The following RIN2 variants were observed in gnomAD, a reference collection of about 807,000 sequenced individuals.
RIN2 encodes Ras and Rab interactor 2.
RIN2 carries 36 observed loss-of-function variants against 78.0 expected under a neutral mutation model. The observed-to-expected ratio is 0.46, with a 90% CI of 0.35 to 0.61. The LOEUF (loss-of-function observed/expected upper bound fraction) is 0.61. Among genes scored for constraint, RIN2 ranks in the 20% least tolerant of loss-of-function variants. RIN2 has a pLI of 0.00. For synonymous variants in RIN2, 466 were observed against 466.8 expected (o/e 1.00, Z 0.02); for missense variants, 1,087 against 1,159.7 (o/e 0.94, Z 0.91).
At chr20:19,864,124 T>G (rs1023535103) in intron 2 of RIN2, among the ~76,000 whole-genome samples, 1 of 151,792 alleles carries the variant, frequency 6.6e-6, no homozygotes, top group African/African-American at 2.4e-5. Context: ...GAGGGATCAA[T>G]TAGAAAAAAG....
At chr20:19,939,274 C>G (rs950091841) in intron 4 of RIN2, among the ~76,000 whole-genome samples, 2 of 152,214 alleles carry the variant, frequency 1.3e-5, no homozygotes, top group African/African-American at 4.8e-5. Flanking sequence ...TCTCGAATTC[C>G]TGGCCTCAAG....
At chr20:19,767,524 A>G (rs1164193168) in intron 1 of RIN2, among the ~76,000 whole-genome samples, 1 of 152,204 alleles carries the variant, frequency 6.6e-6, no homozygotes. Context: ...GATGGGACTG[A>G]GAGACCAGAG....
In RIN2 at chr20:19,883,592, C is replaced by T. The variant is rs570772830; in HGVS notation, c.-36-5974C>T. Among the ~76,000 whole-genome samples, 4 of 152,284 alleles carry T rather than the reference C, an allele frequency of 2.6e-5. No homozygotes were observed. In the East Asian group the frequency reaches 7.7e-4, roughly 29 times the overall value. ...TCCTGACCTCAAGTGATCCTCCCAC[C>T]TCAGCGTCCCAAAGTGCTGGGATTA... On this transcript the variant is annotated intron_variant, in intron 2 of 12. Coordinates refer to ENST00000255006, the MANE Select transcript of RIN2 (RefSeq NM_018993.4).
intron 6 of RIN2, among the ~76,000 whole-genome samples, chr20:19,961,890 TTGCAAACCCAC>T (rs1285668426): frequency 6.6e-6 from 1 of 152,142 alleles, no homozygotes; most frequent in South Asian, 2.1e-4. Flanking sequence ...AGAAGGTACA[TTGCAAACCCAC>T]TGCTTGAAAG....
intron 2 of RIN2, among the ~76,000 whole-genome samples, chr20:19,858,534 C>T (rs1301948330): frequency 6.6e-6 from 1 of 152,176 alleles, no homozygotes; most frequent in Non-Finnish European, 1.5e-5. Flanking sequence ...GCTCACAGCC[C>T]TGATCTATTG....
rs139161626 is a variant in RIN2 at position 19,977,110 on chromosome 20, G to C, written c.1762+1323G>C. 3.3e-5 allele frequency among the ~76,000 whole-genome samples: 5 copies of C among 152,064 alleles called. No homozygotes were observed. The South Asian group carries it at 1.0e-3, about 32-fold the overall frequency. ...TTTTTCCCCATCCCACCAGAGACCCGCTCTCAAGGGAGACCATATCTGACT... is the reference window on the plus strand; with the variant it reads ...TTTTTCCCCATCCCACCAGAGACCCCCTCTCAAGGGAGACCATATCTGACT... On this transcript the variant is annotated intron_variant, in intron 9 of 12. Transcript: ENST00000255006.
chr20:19,975,298 G>A lies in RIN2; in HGVS notation c.1273G>A (p.Gly425Ser). ...SSESRPPCHG[G>S]RQRLSDMSIS... ...TGAATCACGGCCCCCGTGCCATGGAGGCCGGCAGCGGCTGAGCGACATGAG... is the reference window on the plus strand; with the variant it reads ...TGAATCACGGCCCCCGTGCCATGGAAGCCGGCAGCGGCTGAGCGACATGAG... Residue 425 changes from glycine to serine, a missense_variant, in exon 9 of 13, where the codon GGC becomes AGC. Physicochemically the swap from Gly to Ser is moderately conservative, Grantham distance 56 (BLOSUM62 0). This residue lies in a region of RIN2 where 706 missense variants were observed against 667.5 expected (regional missense o/e 1.06). Transcript: ENST00000255006. This position sits in a 1 kb window ranked among gnomAD's most constrained non-coding sequence, Gnocchi z 4.9. 1 of 1,604,410 alleles carries A rather than the reference G, an allele frequency of 6.2e-7. No individual in the cohort carries two copies.
chr20:19,918,969 T>G (rs1280527245), intron 3 of RIN2, among the ~76,000 whole-genome samples: 1 of 152,230 alleles, frequency 6.6e-6, no homozygotes, highest in Admixed American at 6.5e-5. Flanking sequence ...ACGGCAAATC[T>G]ACTCAAGCTA....
At chr20:19,976,547 A>T (rs199576) in intron 9 of RIN2, among the ~76,000 whole-genome samples, 49,934 of 152,162 alleles carry the variant, frequency 0.33, 9,519 homozygotes, top group Non-Finnish European at 0.43. Flanking sequence ...TTAAAGGATG[A>T]GTTGCTAATG....
rs1301351614 is a variant in RIN2, at chr20:19,975,064, G to A, written c.1039G>A (p.Ala347Thr). The A allele has an allele frequency of 2.5e-6, 4 of 1,613,268 alleles. No homozygotes were observed. The highest frequency in any genetic ancestry group is 3.4e-6 in the Non-Finnish European group (4 of 1,179,884). ...TVNHNKHGNV[A>T]LPGTKPTPIP... The stretch of plus-strand genomic sequence containing the variant: ...CAACCATAACAAACATGGGAACGTA[G>A]CTCTGCCTGGAACGAAACCAACTCC... The change falls in exon 9 of 13, where the codon GCT (alanine) becomes ACT (threonine). Residue 347 changes from alanine (A) to threonine (T), a missense_variant. Around this residue, in one of 8 missense-constraint regions of RIN2, gnomAD observed 706 missense variants for 667.5 expected, o/e 1.06. Coordinates refer to ENST00000255006, the MANE Select transcript of RIN2 (RefSeq NM_018993.4). The surrounding 1 kb of genome is among the most constrained non-coding windows in gnomAD (Gnocchi z 4.9).
At chr20:19,905,390 A>G (rs1412251267) in intron 3 of RIN2, among the ~76,000 whole-genome samples, 1 of 152,144 alleles carries the variant, frequency 6.6e-6, no homozygotes, top group African/African-American at 2.4e-5. Flanking sequence ...AAAGCAAACG[A>G]TGACACTCAG....
At chr20:19,914,417 A>T (rs2039599703) in intron 3 of RIN2, among the ~76,000 whole-genome samples, 1 of 152,164 alleles carries the variant, frequency 6.6e-6, no homozygotes, top group African/African-American at 2.4e-5. Context: ...TTCCTGTATG[A>T]CTTTCCCAGT....
chr20:19,865,725 C>A (rs994230011), intron 2 of RIN2, among the ~76,000 whole-genome samples: 1 of 151,974 alleles, frequency 6.6e-6, no homozygotes. Context: ...AAACTCCTGA[C>A]CTTAAGCAAT....
At chr20:19,806,084 T>C (rs1268642567) in intron 2 of RIN2, among the ~76,000 whole-genome samples, 1 of 152,216 alleles carries the variant, frequency 6.6e-6, no homozygotes, top group African/African-American at 2.4e-5. Flanking sequence ...TTCTATGGTG[T>C]ATATGTGCAC....
intron 2 of RIN2, among the ~76,000 whole-genome samples, chr20:19,833,842 G>T (rs1019319231): frequency 1.3e-5 from 2 of 152,158 alleles, no homozygotes; most frequent in Non-Finnish European, 2.9e-5. Context: ...CCTCGCCCCA[G>T]TGCAGGACCA....
chr20:19,892,378 G>A (rs1208518881), intron 3 of RIN2, among the ~76,000 whole-genome samples: 1 of 151,994 alleles, frequency 6.6e-6, no homozygotes, highest in Non-Finnish European at 1.5e-5. Context: ...ACCACACCCA[G>A]CTAATTTTTG....
intron 2 of RIN2, among the ~76,000 whole-genome samples, chr20:19,803,766 G>A (rs987633051): frequency 6.6e-6 from 1 of 152,144 alleles, no homozygotes; most frequent in Non-Finnish European, 1.5e-5. Context: ...GAATAGCATT[G>A]AATCTATAAA....
In RIN2 at chr20:19,839,008, A is replaced by G. The variant is rs76910040; in HGVS notation, c.-37+39261A>G. Reference sequence around the variant, plus strand: ...CATCCATGAGTGGACCAACCTGATGATTGGGAACAGGATTCCAGCAGGACT... The same window carrying G: ...CATCCATGAGTGGACCAACCTGATGGTTGGGAACAGGATTCCAGCAGGACT... On this transcript the variant is annotated intron_variant, in intron 2 of 12. Transcript: ENST00000255006. Among the ~76,000 whole-genome samples, 297 of 152,238 alleles carry G rather than the reference A, an allele frequency of 2.0e-3. 1 individual carries two copies. Among genetic ancestry groups the G allele is most frequent in the African/African-American group, 6.4e-3 (268 of 41,560 alleles).
intron 3 of RIN2, among the ~76,000 whole-genome samples, chr20:19,924,190 C>CTCCCACCTTCATA (rs146441577): frequency 3.7e-5 from 2 of 53,902 alleles, no homozygotes; most frequent in Non-Finnish European, 6.2e-5. Flanking sequence ...CACCTTCATA[C>CTCCCACCTTCATA]CCCACCTTCA....
Sources: gnomAD v4.1 joint callset for allele counts (sites outside exome capture counted in the v4.1 genomes callset) on GRCh38, gnomAD v4.1.1 for gene constraint, gnomAD v4.1.1 regional missense constraint, Gnocchi (gnomAD v3.1) non-coding constraint, MANE v1.5 for transcripts, NCBI Gene and HGNC (gene_info 2026-07-23, HGNC 2026-07-21) for gene names.